ATG7: variants seen among roughly 807,000 people sequenced by gnomAD.
ATG7 encodes the protein ubiquitin-like modifier-activating enzyme ATG7.
Under a neutral mutation model 82.4 loss-of-function variants are expected in ATG7, and 70 were observed. That is an observed-to-expected ratio of 0.85 (90% CI 0.70 to 1.04). The LOEUF is 1.04. ATG7 is among the 50% of genes least tolerant of loss of function. The pLI is 0.00. For missense variants in ATG7, 792 were observed against 864.3 expected, an observed-to-expected ratio of 0.92 and a Z score of 1.05; for synonymous variants, 287 against 313.0, an observed-to-expected ratio of 0.92 and a Z score of 0.88.
intron 5 of ATG7, among the ~76,000 whole-genome samples, chr3:11,304,982 C>A (rs1330115047): frequency 1.3e-5 from 2 of 152,236 alleles, no homozygotes; most frequent in African/African-American, 4.8e-5. Context: ...AAAAAAGACA[C>A]CCTTAGCAAT....
intron 20 of ATG7, among the ~76,000 whole-genome samples, chr3:11,469,262 C>A (rs954353982): frequency 1.3e-5 from 2 of 152,036 alleles, no homozygotes; most frequent in African/African-American, 2.4e-5. Context: ...CCAGCCTGAC[C>A]AACATGGAGA....
intron 19 of ATG7, among the ~76,000 whole-genome samples, chr3:11,419,919 C>G (rs534708946): frequency 6.6e-6 from 1 of 152,308 alleles, no homozygotes; most frequent in African/African-American, 2.4e-5. Context: ...ATTATTACTT[C>G]TCTATTTTGC....
intron 20 of ATG7, among the ~76,000 whole-genome samples, chr3:11,443,825 A>T (rs547014125): frequency 1.3e-4 from 20 of 152,314 alleles, no homozygotes; most frequent in African/African-American, 4.8e-4. Flanking sequence ...AATATTTCCA[A>T]ATGAGCTATA....
Position 11,308,927 on chromosome 3 carries a change from A to G in ATG7, c.334-57A>G, listed in dbSNP as rs1948197201. On this transcript the variant is annotated intron_variant, in intron 6 of 20. Coordinates refer to ENST00000693202, the MANE Select transcript of ATG7 (RefSeq NM_001349232.2). ...TTTTCAGCTCCACACTTCACCTGAG[A>G]GTGAGAAACTCAGAGATGCCTGGTA... 2.0e-6 allele frequency: 3 copies of G among 1,484,834 alleles called. No individual in the cohort carries two copies. In the African/African-American group the frequency reaches 4.2e-5, roughly 21 times the overall value. The allele number at this position is 1,484,834 out of a possible 1,614,324, so 92.0% of individuals were successfully genotyped here. A position where few individuals can be genotyped will look rare whatever the true frequency, so the allele number is the denominator to read the frequency against.
intron 5 of ATG7, among the ~76,000 whole-genome samples, chr3:11,306,099 G>C (rs868601625): frequency 1.3e-5 from 2 of 151,706 alleles, no homozygotes; most frequent in Admixed American, 6.6e-5. Context: ...CTCTTCTCCT[G>C]ACTTTGCTTA....
At chr3:11,429,888 G>A (rs2082711588) in intron 20 of ATG7, among the ~76,000 whole-genome samples, 2 of 149,386 alleles carry the variant, frequency 1.3e-5, no homozygotes, top group Admixed American at 1.3e-4. Context: ...AGAGGTTGCA[G>A]TGAGCTGAAA....
chr3:11,397,521 G>A (rs993152560), intron 19 of ATG7, among the ~76,000 whole-genome samples: 3 of 151,906 alleles, frequency 2.0e-5, no homozygotes, highest in Admixed American at 6.6e-5. Context: ...GCAGTGGTAC[G>A]ATCTTGGGTC....
At chr3:11,572,600 TGTC>T in the ATG7 span, among the ~76,000 whole-genome samples, 1 of 152,194 alleles carries the variant, frequency 6.6e-6, no homozygotes, top group Non-Finnish European at 1.5e-5. Flanking sequence ...GCTACCTGAC[TGTC>T]GTCCTCTTGC....
intron 20 of ATG7, among the ~76,000 whole-genome samples, chr3:11,497,605 C>T (rs1449182985): frequency 1.3e-5 from 2 of 149,858 alleles, no homozygotes; most frequent in East Asian, 3.9e-4. Flanking sequence ...CCCTATCTCA[C>T]TTGGATGTTA....
Position 11,426,851 on chromosome 3 carries a change from G to T in ATG7, c.2004G>T (p.Val668=). Residue 668 remains valine, a synonymous_variant, in exon 20 of 21, where the codon GTG becomes GTT. Transcript: ENST00000693202. ...AAGGATTTAACTTCCTAGCCAAGGT[G>T]TTTAATTCTTCACATTCCTTCTTAG... The part of the protein sequence containing the change: ...EREGFNFLAK[V]FNSSHSFLED... The T allele has an allele frequency of 6.2e-7, 1 of 1,612,160 alleles. No homozygotes were observed. The highest frequency in any genetic ancestry group is 8.5e-7 in the Non-Finnish European group (1 of 1,179,174).
chr3:11,448,572 A>T (rs1449664903), intron 20 of ATG7, among the ~76,000 whole-genome samples: 2 of 152,218 alleles, frequency 1.3e-5, no homozygotes, highest in Non-Finnish European at 2.9e-5. Context: ...AAACCAACAC[A>T]ATACAGGCCT....
intron 20 of ATG7, among the ~76,000 whole-genome samples, chr3:11,464,285 TTG>T (rs2086622911): frequency 6.6e-6 from 1 of 152,212 alleles, no homozygotes; most frequent in Admixed American, 6.5e-5. Flanking sequence ...GGTGGGAGGA[TTG>T]CTTGAACCCA....
chr3:11,506,376 G>A (rs2153069037), intron 20 of ATG7, among the ~76,000 whole-genome samples: 1 of 152,236 alleles, frequency 6.6e-6, no homozygotes, highest in Non-Finnish European at 1.5e-5. Context: ...GTGCTTAGTA[G>A]CCTCTTGGCT....
At chr3:11,453,210 C>A (rs1188932865) in intron 20 of ATG7, among the ~76,000 whole-genome samples, 1 of 152,048 alleles carries the variant, frequency 6.6e-6, no homozygotes, top group African/African-American at 2.4e-5. Flanking sequence ...AGACGGGGGG[C>A]GTGGGCCTTG....
At chr3:11,534,305 C>T (rs750971630) in intron 20 of ATG7, among the ~76,000 whole-genome samples, 1 of 152,240 alleles carries the variant, frequency 6.6e-6, no homozygotes, top group Non-Finnish European at 1.5e-5. Context: ...GGCAGATGCC[C>T]GTTCTGCAAA....
At position 11,477,012 on chromosome 3, in the gene ATG7, G is replaced by T. The variant is rs1052544813; in HGVS notation, c.2079+50086G>T. The T allele has an allele frequency of 6.7e-6, 7 of 1,039,010 alleles. No individual in the cohort carries two copies. In the East Asian group the frequency reaches 3.7e-4, roughly 55 times the overall value. 64.4% of individuals were successfully genotyped at this position (1,039,010 alleles called of 1,614,324 possible). Reference sequence around the variant, plus strand: ...AGCCCTCTTTATTACAGTGTTTTCCGATGGCAGTCATTAAATGATTGTTAT... The same window carrying T: ...AGCCCTCTTTATTACAGTGTTTTCCTATGGCAGTCATTAAATGATTGTTAT... On this transcript the variant is annotated intron_variant, in intron 20 of 20. Transcript: ENST00000693202.
chr3:11,566,669 C>T, the ATG7 span, among the ~76,000 whole-genome samples: 33 of 152,286 alleles, frequency 2.2e-4, no homozygotes, highest in African/African-American at 7.2e-4. Flanking sequence ...CACGCGGTGC[C>T]GCTCTAGCCT....
At chr3:11,483,537 T>C (rs2089257686) in intron 20 of ATG7, among the ~76,000 whole-genome samples, 1 of 152,146 alleles carries the variant, frequency 6.6e-6, no homozygotes, top group South Asian at 2.1e-4. Context: ...ATGTCAAGCA[T>C]GTTGAATTGT....
At chr3:11,274,018 G>A (rs1012578997) in intron 1 of ATG7, among the ~76,000 whole-genome samples, 2 of 152,156 alleles carry the variant, frequency 1.3e-5, no homozygotes, top group Admixed American at 1.3e-4. Context: ...GCTTGCAGGT[G>A]TGTGTCACCT....
Sources: gnomAD v4.1 joint callset for allele counts (sites outside exome capture counted in the v4.1 genomes callset) on GRCh38, gnomAD v4.1.1 for gene constraint, MANE v1.5 for transcripts, NCBI Gene and HGNC (gene_info 2026-07-23, HGNC 2026-07-21) for gene names.